Variants in HDAC9 observed in about 807,000 individuals in gnomAD.
HDAC9 encodes histone deacetylase 9.
HDAC9 carries 41 observed loss-of-function variants against 139.4 expected under a neutral mutation model. The ratio of observed to expected loss-of-function variants is 0.29; its 90% CI spans 0.23 to 0.38. The LOEUF is 0.38. Ranked by LOEUF, HDAC9 falls within the 10% of genes least tolerant of loss-of-function variation. HDAC9 has a pLI of 1.00. For missense variants in HDAC9, 1,147 were observed against 1,297.0 expected (o/e 0.88, Z 1.78); for synonymous variants, 517 against 476.2 (o/e 1.09, Z -1.12).
chr7:18,269,374 G>T (rs765209714), intron 2 of HDAC9, among the ~76,000 whole-genome samples: 2 of 152,142 alleles, frequency 1.3e-5, no homozygotes, highest in Non-Finnish European at 2.9e-5. Context: ...AAGCAATTGA[G>T]CAGGTAGTTA....
At chr7:18,814,518 T>C (rs1794422667) in intron 17 of HDAC9, among the ~76,000 whole-genome samples, 1 of 152,132 alleles carries the variant, frequency 6.6e-6, no homozygotes, top group African/African-American at 2.4e-5. Context: ...TCATACACAC[T>C]TGGAGAACAT....
intron 22 of HDAC9, among the ~76,000 whole-genome samples, chr7:18,904,061 C>T (rs1801979347): frequency 6.6e-6 from 1 of 152,194 alleles, no homozygotes; most frequent in Non-Finnish European, 1.5e-5. Context: ...CAATTCCTGT[C>T]CTTCCCCAAA....
intron 2 of HDAC9, among the ~76,000 whole-genome samples, chr7:18,167,572 C>A (rs1371420503): frequency 6.6e-6 from 1 of 152,158 alleles, no homozygotes; most frequent in East Asian, 1.9e-4. Context: ...TTTCTAATGG[C>A]TACCCTTTGC....
chr7:18,484,309 TG>T (rs1258553181), intron 1 of HDAC9, among the ~76,000 whole-genome samples: 1 of 151,590 alleles, frequency 6.6e-6, no homozygotes, highest in Non-Finnish European at 1.5e-5. Flanking sequence ...GCACTACACC[TG>T]GGTGACAGAG....
intron 22 of HDAC9, among the ~76,000 whole-genome samples, chr7:18,885,130 A>G (rs1254819569): frequency 6.6e-6 from 1 of 152,244 alleles, no homozygotes; most frequent in Non-Finnish European, 1.5e-5. Context: ...TTAAGTTATC[A>G]AGGACTGCGG....
chr7:18,672,450 A>G lies in HDAC9; in HGVS notation c.1731+5974A>G, dbSNP rs558349244. ...AAGTGCTTTTAGATATATTTTGTGTAGTAGACCTTTATCGGGTATATAAGT... is the reference window on the plus strand; with the variant it reads ...AAGTGCTTTTAGATATATTTTGTGTGGTAGACCTTTATCGGGTATATAAGT... On this transcript the variant is annotated intron_variant, in intron 12 of 25. Coordinates refer to ENST00000686413, the MANE Select transcript of HDAC9 (RefSeq NM_178425.4). 3.3e-5 allele frequency among the ~76,000 whole-genome samples: 5 copies of G among 152,150 alleles called. No homozygotes were observed. In the East Asian group the frequency reaches 7.8e-4, roughly 24 times the overall value.
rs148753867 is a variant in HDAC9 at position 18,095,187 on chromosome 7, T to C, written c.-97+7974T>C. On this transcript the variant is annotated intron_variant, in intron 1 of 12. Transcript: ENST00000417496. ...TGCCCTACTTTTTCACTGGGCCCAG[T>C]GTATGTCCCACCTCTTCTGTGATGC... Among the ~76,000 whole-genome samples the C allele has an allele frequency of 2.0e-5, 3 of 152,160 alleles. No individual in the cohort carries two copies. The East Asian group carries it at 5.8e-4, about 29-fold the overall frequency.
At chr7:18,726,851 G>A (rs1276266273) in intron 12 of HDAC9, among the ~76,000 whole-genome samples, 1 of 151,860 alleles carries the variant, frequency 6.6e-6, no homozygotes, top group Admixed American at 6.6e-5. Flanking sequence ...ATCTTTTCTT[G>A]GAGACAGAGG....
chr7:18,262,044 A>G (rs780472118), intron 2 of HDAC9, among the ~76,000 whole-genome samples: 1 of 152,248 alleles, frequency 6.6e-6, no homozygotes, highest in Non-Finnish European at 1.5e-5. Flanking sequence ...GTATTATTGT[A>G]AAAATCAACA....
intron 2 of HDAC9, among the ~76,000 whole-genome samples, chr7:18,508,798 T>A (rs1243956270): frequency 1.3e-5 from 2 of 152,118 alleles, no homozygotes; most frequent in Non-Finnish European, 2.9e-5. Flanking sequence ...TTTAAAGGAG[T>A]ATGAAATACA....
At chr7:18,895,049 GA>G (rs1339016244) in intron 22 of HDAC9, among the ~76,000 whole-genome samples, 3 of 152,208 alleles carry the variant, frequency 2.0e-5, no homozygotes, top group African/African-American at 7.2e-5. Flanking sequence ...TTGAAAACAT[GA>G]GAGAAGGTAT....
chr7:18,422,744 GCACACACACA>G (rs1233787931), intron 1 of HDAC9, among the ~76,000 whole-genome samples: 3 of 26,238 alleles, frequency 1.1e-4, no homozygotes, highest in Non-Finnish European at 6.3e-4. Flanking sequence ...ACACACACGC[GCACACACACA>G]CACACACACA....
At chr7:18,507,493 A>G (rs1800175173) in intron 2 of HDAC9, among the ~76,000 whole-genome samples, 1 of 148,526 alleles carries the variant, frequency 6.7e-6, no homozygotes, top group Non-Finnish European at 1.5e-5. Context: ...GCACCCGGCT[A>G]TTATTATTAT....
chr7:18,981,879 CAAACAT>C (rs1784973710), intron 25 of HDAC9, among the ~76,000 whole-genome samples: 1 of 151,500 alleles, frequency 6.6e-6, no homozygotes, highest in African/African-American at 2.4e-5. Context: ...ACCACAGAAA[CAAACAT>C]GAACAATCAA....
chr7:18,391,503 A>G (rs1270761029), intron 1 of HDAC9, among the ~76,000 whole-genome samples: 1 of 152,216 alleles, frequency 6.6e-6, no homozygotes, highest in African/African-American at 2.4e-5. Context: ...TCCTGTCACA[A>G]AGTGACCTGT....
chr7:18,566,163 G>C (rs1822272469), intron 2 of HDAC9, among the ~76,000 whole-genome samples: 1 of 152,314 alleles, frequency 6.6e-6, no homozygotes, highest in Admixed American at 6.5e-5. Context: ...AGAGAAAATG[G>C]AAAGTAATAT....
At chr7:18,166,759 C>T (rs1365390752) in intron 2 of HDAC9, among the ~76,000 whole-genome samples, 1 of 152,142 alleles carries the variant, frequency 6.6e-6, no homozygotes, top group African/African-American at 2.4e-5. Flanking sequence ...ACCATTTTTA[C>T]TCCAGTGCAT....
At chr7:18,396,112 CCCTTCCCTTCCCTTCCCTTG>C (rs1175148789) in intron 1 of HDAC9, among the ~76,000 whole-genome samples, 125 of 126,012 alleles carry the variant, frequency 9.9e-4, no homozygotes, top group South Asian at 4.1e-3. Flanking sequence ...CCCTTCCCTT[CCCTTCCCTTCCCTTCCCTTG>C]CCTTCCCTTC....
chr7:18,995,943 C>A, intron 25 of HDAC9, 80 bp from the exon 26 acceptor site: 1 of 1,030,052 alleles, frequency 9.7e-7, no homozygotes, highest in South Asian at 1.4e-5. Flanking sequence ...GCTGAAAAAT[C>A]AGCTTTGATT....
Sources: gnomAD v4.1 joint callset for allele counts (sites outside exome capture counted in the v4.1 genomes callset) on GRCh38, gnomAD v4.1.1 for gene constraint, MANE v1.5 for transcripts, NCBI Gene and HGNC (gene_info 2026-07-23, HGNC 2026-07-21) for gene names.